GALNT17: variants seen among roughly 807,000 people sequenced by gnomAD.
GALNT17 encodes the protein polypeptide N-acetylgalactosaminyltransferase 17, also known as UDP-GalNAc:polypeptide N-acetylgalactosaminyltransferase-like 3.
In GALNT17, 29 loss-of-function variants were observed where a neutral mutation model predicts 63.7. The observed-to-expected ratio is 0.46, with a 90% CI of 0.34 to 0.62. The LOEUF (loss-of-function observed/expected upper bound fraction) is 0.62, where lower values mean the gene tolerates loss of function less well. Among genes scored for constraint, GALNT17 ranks in the 20% least tolerant of loss-of-function variants. The pLI is 0.01. For missense variants in GALNT17, 603 were observed against 799.6 expected, an observed-to-expected ratio of 0.75 and a Z score of 2.97; for synonymous variants, 305 against 318.3, an observed-to-expected ratio of 0.96 and a Z score of 0.45.
chr7:71,234,508 C>G (rs900180867), intron 1 of GALNT17, among the ~76,000 whole-genome samples: 2 of 152,098 alleles, frequency 1.3e-5, no homozygotes, highest in Admixed American at 1.3e-4. Flanking sequence ...AGGTGATCAG[C>G]CCACTTCGGC....
intron 2 of GALNT17, among the ~76,000 whole-genome samples, chr7:71,377,395 A>G (rs1298121957): frequency 1.4e-5 from 2 of 144,354 alleles, no homozygotes; most frequent in Admixed American, 7.1e-5. Flanking sequence ...CAGGCTGTCA[A>G]AGAAGACATA....
intron 6 of GALNT17, among the ~76,000 whole-genome samples, chr7:71,609,072 C>T (rs1790087989): frequency 6.6e-6 from 1 of 152,024 alleles, no homozygotes; most frequent in Non-Finnish European, 1.5e-5. Context: ...TGAGCCATTG[C>T]ACCCAGCCAT....
intron 6 of GALNT17, among the ~76,000 whole-genome samples, chr7:71,646,504 T>TA (rs1224726512): frequency 1.3e-5 from 2 of 152,110 alleles, no homozygotes; most frequent in African/African-American, 4.8e-5. Flanking sequence ...TTATAGCTAT[T>TA]TTCTCACTCT....
intron 1 of GALNT17, among the ~76,000 whole-genome samples, chr7:71,254,943 A>G (rs546127136): frequency 1.3e-5 from 2 of 152,342 alleles, no homozygotes; most frequent in East Asian, 3.9e-4. Context: ...TCCAAAGAGA[A>G]CATGTATATC....
chr7:71,139,676 G>T (rs964337980), intron 1 of GALNT17, among the ~76,000 whole-genome samples: 4 of 152,032 alleles, frequency 2.6e-5, no homozygotes, highest in Admixed American at 6.6e-5. Flanking sequence ...TGCTCTCACA[G>T]GTCTCCAAGG....
intron 6 of GALNT17, 107 bp from the exon 7 acceptor site, chr7:71,665,304 A>G (rs897565927): frequency 3.4e-6 from 4 of 1,170,536 alleles, no homozygotes; most frequent in Admixed American, 4.7e-5. Context: ...ATTAAAATGT[A>G]TTTTACGTTT....
rs543927510 is a variant in GALNT17 at position 71,535,627 on chromosome 7, A to G, written c.963-35658A>G. ...CAAAGATTGTCCAAGCAATAAGTCA[A>G]CTCACAATGTGATGCTTCCCTCTAA... On this transcript the variant is annotated intron_variant, in intron 5 of 10. Transcript: ENST00000333538. Among the ~76,000 whole-genome samples the G allele has an allele frequency of 8.4e-4, 128 of 152,342 alleles. 1 individual carries two copies. The highest frequency in any genetic ancestry group is 2.8e-3 in the African/African-American group (118 of 41,592).
intron 5 of GALNT17, among the ~76,000 whole-genome samples, chr7:71,500,275 C>T (rs1268716923): frequency 6.6e-6 from 1 of 152,114 alleles, no homozygotes; most frequent in African/African-American, 2.4e-5. Context: ...TTGTGTCCTC[C>T]CATAGTGTTT....
chr7:71,644,555 G>GA (rs113737797), intron 6 of GALNT17, among the ~76,000 whole-genome samples: 20,676 of 111,344 alleles, frequency 0.19, 3,713 homozygotes, highest in African/African-American at 0.49. Context: ...AAAAACAAAA[G>GA]AAAAAAAAAA....
At chr7:71,410,243 T>C (rs993787643) in intron 3 of GALNT17, among the ~76,000 whole-genome samples, 6 of 147,740 alleles carry the variant, frequency 4.1e-5, no homozygotes, top group African/African-American at 1.6e-4. Flanking sequence ...CTCACTTCTT[T>C]CCTGATTTTT....
At chr7:71,705,142 G>A (rs373042376) in intron 9 of GALNT17, among the ~76,000 whole-genome samples, 2 of 151,580 alleles carry the variant, frequency 1.3e-5, no homozygotes, top group African/African-American at 4.8e-5. Flanking sequence ...TCCAGAATAT[G>A]TAAAGAACTC....
At chr7:71,529,005 A>C (rs1788671551) in intron 5 of GALNT17, among the ~76,000 whole-genome samples, 1 of 152,026 alleles carries the variant, frequency 6.6e-6, no homozygotes, top group African/African-American at 2.4e-5. Flanking sequence ...CAGGGTGGCG[A>C]GTGCCTGTAG....
intron 5 of GALNT17, among the ~76,000 whole-genome samples, chr7:71,496,313 G>A (rs545842994): frequency 2.0e-4 from 31 of 152,160 alleles, no homozygotes; most frequent in Middle Eastern, 3.4e-3. Flanking sequence ...CTGGCTCAAA[G>A]CATCAGTGGG....
chr7:71,487,126 T>G (rs955509695), intron 5 of GALNT17, among the ~76,000 whole-genome samples: 5 of 152,190 alleles, frequency 3.3e-5, no homozygotes, highest in African/African-American at 1.2e-4. Context: ...GAGGCATCTG[T>G]TGGAATTGCA....
chr7:71,356,040 C>T (rs1467209707), intron 2 of GALNT17, among the ~76,000 whole-genome samples: 3 of 151,462 alleles, frequency 2.0e-5, no homozygotes, highest in South Asian at 2.1e-4. Context: ...TGCAGTGGCG[C>T]GATCTCGGCT....
intron 1 of GALNT17, among the ~76,000 whole-genome samples, chr7:71,230,485 C>A (rs1789768282): frequency 6.6e-6 from 1 of 152,132 alleles, no homozygotes; most frequent in African/African-American, 2.4e-5. Context: ...TCCACGCACA[C>A]CCCCTCCCCT....
chr7:71,477,703 AAAAG>A (rs1340058397), intron 5 of GALNT17, among the ~76,000 whole-genome samples: 1 of 152,158 alleles, frequency 6.6e-6, no homozygotes, highest in Admixed American at 6.5e-5. Context: ...AAAACAAAAA[AAAAG>A]GTTGAAAATA....
At chr7:71,401,705 C>T (rs183019748) in intron 3 of GALNT17, among the ~76,000 whole-genome samples, 53 of 152,212 alleles carry the variant, frequency 3.5e-4, no homozygotes, top group East Asian at 9.7e-4. Flanking sequence ...CTAGGTTGCG[C>T]GCTCCTTATG....
intron 1 of GALNT17, among the ~76,000 whole-genome samples, chr7:71,141,886 G>A (rs183530712): frequency 0.042 from 6,012 of 144,496 alleles, 461 homozygotes; most frequent in African/African-American, 0.14. Context: ...GTGTATGTGT[G>A]TATTTTTAGT....
Sources: gnomAD v4.1 joint callset for allele counts (sites outside exome capture counted in the v4.1 genomes callset) on GRCh38, gnomAD v4.1.1 for gene constraint, MANE v1.5 for transcripts, NCBI Gene and HGNC (gene_info 2026-07-23, HGNC 2026-07-21) for gene names.